Variants in RPS6KA5 observed in about 807,000 individuals in gnomAD.
RPS6KA5 encodes the protein ribosomal protein S6 kinase A5, also known as ribosomal protein S6 kinase alpha-5.
Under a neutral mutation model 85.5 loss-of-function variants are expected in RPS6KA5, and 27 were observed. The observed-to-expected ratio is 0.32, with a 90% CI of 0.23 to 0.44. The LOEUF (loss-of-function observed/expected upper bound fraction) is 0.44. RPS6KA5 is among the 20% of genes least tolerant of loss of function. The pLI, the probability that RPS6KA5 is intolerant of heterozygous loss-of-function variation, is 1.00. For missense variants in RPS6KA5, 811 were observed against 980.9 expected, an observed-to-expected ratio of 0.83 and a Z score of 2.31; for synonymous variants, 334 against 348.2, an observed-to-expected ratio of 0.96 and a Z score of 0.46.
rs2032667745 is a variant in RPS6KA5 at position 90,863,389 on chromosome 14, GAGTTGAAGA to G, written c.*8676_*8684del. Reference sequence around the variant, plus strand: ...TAGAAAAATATTGAATTCTTATTCTGAGTTGAAGAAGTTTAAGGAGTCCATTGTCATTAC... The same window carrying G: ...TAGAAAAATATTGAATTCTTATTCTGAGTTTAAGGAGTCCATTGTCATTAC... On this transcript the variant is annotated 3_prime_UTR_variant, in exon 17 of 17. Coordinates refer to ENST00000614987, the MANE Select transcript of RPS6KA5 (RefSeq NM_004755.4). 6.8e-6 allele frequency: 1 copy of G among 148,034 alleles called. No homozygotes were observed. The highest frequency in any genetic ancestry group is 1.5e-5 in the Non-Finnish European group (1 of 67,116). 9.2% of individuals were successfully genotyped at this position (148,034 alleles called of 1,614,324 possible).
At chr14:90,873,395 C>A (rs1431045048) in intron 16 of RPS6KA5, among the ~76,000 whole-genome samples, 2 of 152,154 alleles carry the variant, frequency 1.3e-5, no homozygotes, top group Non-Finnish European at 2.9e-5. Flanking sequence ...CTCATAAGGT[C>A]ATTCTAAAAA....
chr14:91,046,618 A>C (rs527418484), intron 1 of RPS6KA5, among the ~76,000 whole-genome samples: 4 of 152,222 alleles, frequency 2.6e-5, no homozygotes, highest in Non-Finnish European at 5.9e-5. Context: ...ATTAGAGGAC[A>C]GAGTGCTTCA....
chr14:90,980,206 G>A (rs2039733860), intron 2 of RPS6KA5, among the ~76,000 whole-genome samples: 1 of 152,184 alleles, frequency 6.6e-6, no homozygotes, highest in Non-Finnish European at 1.5e-5. Context: ...AAAATATTAT[G>A]CACTACACCT....
chr14:90,998,720 A>T (rs576335465), intron 2 of RPS6KA5, among the ~76,000 whole-genome samples: 1 of 152,366 alleles, frequency 6.6e-6, no homozygotes, highest in African/African-American at 2.4e-5. Flanking sequence ...GTACAATAAC[A>T]TCTCCAAGTT....
chr14:91,006,641 T>C (rs1369942335), intron 1 of RPS6KA5, among the ~76,000 whole-genome samples: 1 of 152,204 alleles, frequency 6.6e-6, no homozygotes, highest in Non-Finnish European at 1.5e-5. Flanking sequence ...CTGTGAAAAA[T>C]AAATGTTTGT....
intron 3 of RPS6KA5, among the ~76,000 whole-genome samples, chr14:90,971,464 G>A (rs909765453): frequency 1.3e-5 from 2 of 152,104 alleles, no homozygotes; most frequent in African/African-American, 4.8e-5. Context: ...CAAGATGACA[G>A]ATACAATATA....
chr14:90,879,462 CG>C lies in RPS6KA5; in HGVS notation c.1837-4103del, dbSNP rs752335192. 4.3e-4 allele frequency among the ~76,000 whole-genome samples: 65 copies of C among 152,262 alleles called. 1 individual carries two copies. The highest frequency in any genetic ancestry group is 4.6e-4 in the Admixed American group (7 of 15,292). On this transcript the variant is annotated intron_variant, in intron 14 of 16. Transcript: ENST00000614987. The stretch of plus-strand genomic sequence containing the variant: ...GGCTCAGGATAATACCTTGTGGGGT[CG>C]GGGTGCTGTCTCTGAGAGCTGTGCT...
rs1304015155 is a variant in RPS6KA5, at chr14:90,923,099, A to G, written c.702+14T>C. On this transcript the variant is annotated intron_variant, in intron 6 of 16. Coordinates refer to ENST00000614987, the MANE Select transcript of RPS6KA5 (RefSeq NM_004755.4). ...TATAGAAATACATAAAGAAGCATCA[A>G]AAATAGAACATACCTTGTCATGTCC... 1.9e-6 allele frequency: 3 copies of G among 1,585,838 alleles called. No individual in the cohort carries two copies. Among genetic ancestry groups the G allele is most frequent in the Non-Finnish European group, 1.7e-6 (2 of 1,156,720 alleles).
chr14:90,994,561 AT>A (rs935828871), intron 2 of RPS6KA5, among the ~76,000 whole-genome samples: 349 of 61,912 alleles, frequency 5.6e-3, no homozygotes, highest in African/African-American at 0.016. Flanking sequence ...GATGTTTGTG[AT>A]TTTTTTTTTT....
intron 1 of RPS6KA5, among the ~76,000 whole-genome samples, chr14:91,018,881 TCCTCTGGAGAA>T (rs1555377876): frequency 3.3e-5 from 5 of 152,098 alleles, no homozygotes; most frequent in Non-Finnish European, 7.4e-5. Flanking sequence ...TTAGTTCTGT[TCCTCTGGAGAA>T]CCCTGACTTA....
At chr14:91,030,627 A>AAAAAAAAAAAAAAAAAC (rs2042151664) in intron 1 of RPS6KA5, among the ~76,000 whole-genome samples, 1 of 140,122 alleles carries the variant, frequency 7.1e-6, no homozygotes, top group Non-Finnish European at 1.6e-5. Flanking sequence ...AAAAAAAAAA[A>AAAAAAAAAAAAAAAAAC]AAAAAAAAAA....
intron 1 of RPS6KA5, among the ~76,000 whole-genome samples, chr14:91,051,749 A>G (rs1164459181): frequency 6.6e-6 from 1 of 152,026 alleles, no homozygotes; most frequent in East Asian, 1.9e-4. Flanking sequence ...TCGGCCTCCC[A>G]AAGTGCTGGG....
chr14:91,001,956 T>G (rs1438097622), intron 1 of RPS6KA5, among the ~76,000 whole-genome samples: 1 of 152,162 alleles, frequency 6.6e-6, no homozygotes, highest in Non-Finnish European at 1.5e-5. Context: ...TGCTGAACCT[T>G]ACAGATCCTG....
intron 7 of RPS6KA5, among the ~76,000 whole-genome samples, chr14:90,907,996 A>T (rs955114419): frequency 1.3e-5 from 2 of 152,250 alleles, no homozygotes; most frequent in African/African-American, 4.8e-5. Flanking sequence ...GGGTAGAAAT[A>T]TATGCACTTT....
Position 90,971,289 on chromosome 14 carries a change from C to T in RPS6KA5, c.394+7017G>A, listed in dbSNP as rs192494701. ...CCGAGATCACGCCACTGCACTCCAG[C>T]CTAGGCGACAGTGAACTCCATCTCA... On this transcript the variant is annotated intron_variant, in intron 3 of 16. Coordinates refer to ENST00000614987, the MANE Select transcript of RPS6KA5 (RefSeq NM_004755.4). Among the ~76,000 whole-genome samples, 263 of 152,232 alleles carry T rather than the reference C, an allele frequency of 1.7e-3. 1 individual carries two copies. Among genetic ancestry groups the T allele is most frequent in the African/African-American group, 6.0e-3 (248 of 41,528 alleles).
chr14:91,032,762 A>G (rs2042236251), intron 1 of RPS6KA5, among the ~76,000 whole-genome samples: 1 of 150,752 alleles, frequency 6.6e-6, no homozygotes, highest in South Asian at 2.1e-4. Flanking sequence ...CTGAGTTGCC[A>G]AAGAACTGCT....
chr14:90,904,327 G>A (rs1263076505), intron 8 of RPS6KA5, among the ~76,000 whole-genome samples: 3 of 152,148 alleles, frequency 2.0e-5, no homozygotes, highest in East Asian at 1.9e-4. Context: ...ATGCTGTCTT[G>A]TAGATGCAAT....
intron 1 of RPS6KA5, among the ~76,000 whole-genome samples, chr14:91,035,928 G>C (rs1348259288): frequency 7.8e-6 from 1 of 127,588 alleles, no homozygotes; most frequent in South Asian, 2.6e-4. Context: ...AACTGAATTA[G>C]GTATCTTCAA....
At chr14:91,044,882 G>GA (rs985964381) in intron 1 of RPS6KA5, among the ~76,000 whole-genome samples, 2 of 142,680 alleles carry the variant, frequency 1.4e-5, no homozygotes, top group African/African-American at 5.1e-5. Context: ...AAAAAAAAAA[G>GA]AAAAAAAAAG....
Sources: allele counts gnomAD v4.1 joint callset (sites outside exome capture counted in the v4.1 genomes callset), GRCh38; gene constraint gnomAD v4.1.1; transcripts MANE v1.5; gene names NCBI Gene and HGNC (gene_info 2026-07-23, HGNC 2026-07-21).